PTPRR: variants seen among roughly 807,000 people sequenced by gnomAD.
PTPRR encodes the protein receptor-type tyrosine-protein phosphatase R.
In PTPRR, 38 loss-of-function variants were observed where a neutral mutation model predicts 77.2. The observed-to-expected ratio is 0.49, with a 90% CI of 0.38 to 0.65. The LOEUF (loss-of-function observed/expected upper bound fraction) is 0.65. PTPRR is among the 30% of genes least tolerant of loss of function. The probability of loss-of-function intolerance (pLI) is 0.00; values close to 1 mark genes in which losing one functional copy is unlikely to be tolerated. For synonymous variants in PTPRR, 299 were observed against 283.1 expected, an observed-to-expected ratio of 1.06 and a Z score of -0.57; for missense variants, 744 against 799.2, an observed-to-expected ratio of 0.93 and a Z score of 0.83.
At chr12:70,683,848 T>C (rs553215069) in intron 10 of PTPRR, among the ~76,000 whole-genome samples, 1 of 152,326 alleles carries the variant, frequency 6.6e-6, no homozygotes, top group Admixed American at 6.5e-5. Context: ...AAGGTTTTAT[T>C]TATCTGCTTA....
chr12:70,811,255 C>G (rs571743971), intron 2 of PTPRR, among the ~76,000 whole-genome samples: 1 of 152,220 alleles, frequency 6.6e-6, no homozygotes, highest in South Asian at 2.1e-4. Context: ...CAGGTGCCTA[C>G]AAAATATGAC....
At chr12:70,672,183 C>T (rs1223328600) in intron 10 of PTPRR, 20 of 1,548,254 alleles carry the variant, frequency 1.3e-5, no homozygotes, top group African/African-American at 2.7e-5. Context: ...GCCCAGTTGC[C>T]AGTCCTACCA....
intron 2 of PTPRR, among the ~76,000 whole-genome samples, chr12:70,881,349 G>C (rs1893146230): frequency 6.6e-6 from 1 of 152,254 alleles, no homozygotes; most frequent in South Asian, 2.1e-4. Context: ...ATTATTCTCA[G>C]TATTCTCTAA....
Position 70,672,630 on chromosome 12 carries a change from A to G in PTPRR, c.1498-10025T>C, listed in dbSNP as rs891114835. 8.6e-6 allele frequency: 13 copies of G among 1,518,610 alleles called. No homozygotes were observed. In the Admixed American group the frequency reaches 1.6e-4, roughly 18 times the overall value. 94.1% of individuals were successfully genotyped at this position (1,518,610 alleles called of 1,614,324 possible). ...CACACATCTTAAAGACCTGCTGCCA[A>G]GTGAATGGGGAAGTGGTCCAGAGCA... On this transcript the variant is annotated intron_variant, in intron 10 of 13. Coordinates refer to ENST00000283228, the MANE Select transcript of PTPRR (RefSeq NM_002849.4).
intron 6 of PTPRR, among the ~76,000 whole-genome samples, chr12:70,702,053 G>A (rs569901589): frequency 3.9e-5 from 6 of 152,178 alleles, no homozygotes; most frequent in South Asian, 2.1e-4. Context: ...ATGTATGCAC[G>A]CATATGTGAA....
chr12:70,764,582 C>T (rs963188724), intron 3 of PTPRR, 83 bp downstream of exon 3: 3 of 1,146,502 alleles, frequency 2.6e-6, no homozygotes, highest in Non-Finnish European at 3.9e-6. Context: ...ATTAGCCATA[C>T]AACTATAGCA....
At chr12:70,771,270 A>C (rs76074082) in intron 2 of PTPRR, among the ~76,000 whole-genome samples, 3,499 of 152,244 alleles carry the variant, frequency 0.023, 154 homozygotes, top group African/African-American at 0.079. Flanking sequence ...CAGCCAGACC[A>C]TTATCCCAAG....
intron 1 of PTPRR, among the ~76,000 whole-genome samples, chr12:70,894,938 A>G (rs1398179868): frequency 1.3e-5 from 2 of 151,740 alleles, no homozygotes; most frequent in Non-Finnish European, 3.0e-5. Context: ...AGTTTCCATT[A>G]CTATTTCAGG....
intron 2 of PTPRR, among the ~76,000 whole-genome samples, chr12:70,814,656 T>G: frequency 6.6e-6 from 1 of 152,122 alleles, no homozygotes; most frequent in Non-Finnish European, 1.5e-5. Flanking sequence ...TTTGTCTCTG[T>G]GTTTCACAGT....
intron 2 of PTPRR, among the ~76,000 whole-genome samples, chr12:70,890,203 T>C (rs1478420614): frequency 6.6e-6 from 1 of 152,182 alleles, no homozygotes; most frequent in Non-Finnish European, 1.5e-5. Context: ...CTCTACATTG[T>C]ACTTGCACAG....
chr12:70,732,550 A>C (rs1889697568), intron 6 of PTPRR, among the ~76,000 whole-genome samples: 1 of 151,826 alleles, frequency 6.6e-6, no homozygotes, highest in Non-Finnish European at 1.5e-5. Flanking sequence ...GGTGGTGAGC[A>C]TCCATTTTTT....
chr12:70,870,982 A>G (rs1892948690), intron 2 of PTPRR, among the ~76,000 whole-genome samples: 1 of 152,190 alleles, frequency 6.6e-6, no homozygotes, highest in South Asian at 2.1e-4. Context: ...TATAACCAAC[A>G]CTTGGGAAAT....
rs183586451 is a variant in PTPRR, at chr12:70,856,382, C to T, written c.357+36297G>A. Among the ~76,000 whole-genome samples the T allele has an allele frequency of 2.6e-5, 4 of 152,204 alleles. No individual in the cohort carries two copies. In the East Asian group the frequency reaches 7.7e-4, roughly 29 times the overall value. On this transcript the variant is annotated intron_variant, in intron 2 of 13. Transcript: ENST00000283228. Reference sequence around the variant, plus strand: ...AATGCCAGGCTGGCAGATGCAGTGGCAGATACACAAGGGCAAGTCAGAATG... The same window carrying T: ...AATGCCAGGCTGGCAGATGCAGTGGTAGATACACAAGGGCAAGTCAGAATG...
intron 1 of PTPRR, among the ~76,000 whole-genome samples, chr12:70,903,824 A>G (rs1234436472): frequency 6.6e-6 from 1 of 151,826 alleles, no homozygotes; most frequent in East Asian, 1.9e-4. Context: ...AATAATTACA[A>G]GTCACATATC....
intron 6 of PTPRR, among the ~76,000 whole-genome samples, chr12:70,733,816 C>T (rs770027581): frequency 1.3e-5 from 2 of 152,150 alleles, no homozygotes; most frequent in Non-Finnish European, 2.9e-5. Flanking sequence ...GTGTTCAAGT[C>T]GCCTGCCATG....
chr12:70,825,841 G>C (rs946093335), intron 2 of PTPRR, among the ~76,000 whole-genome samples: 17 of 152,146 alleles, frequency 1.1e-4, no homozygotes, highest in Non-Finnish European at 2.5e-4. Context: ...AAGAAGCAAT[G>C]GATATAAAAT....
chr12:70,777,729 A>C (rs1012403284), intron 2 of PTPRR, among the ~76,000 whole-genome samples: 2 of 152,130 alleles, frequency 1.3e-5, no homozygotes, highest in Non-Finnish European at 2.9e-5. Context: ...GTCCAGGGTC[A>C]CCCTAAAACT....
intron 8 of PTPRR, among the ~76,000 whole-genome samples, chr12:70,689,612 C>T (rs1048520764): frequency 6.6e-6 from 1 of 152,038 alleles, no homozygotes; most frequent in African/African-American, 2.4e-5. Context: ...CTTGGCAGAT[C>T]ACAAAATAAC....
At chr12:70,900,463 G>T (rs1018213461) in intron 1 of PTPRR, among the ~76,000 whole-genome samples, 1 of 151,346 alleles carries the variant, frequency 6.6e-6, no homozygotes, top group African/African-American at 2.4e-5. Flanking sequence ...ATTAGTCTGG[G>T]CAATGATTTT....
Sources: allele counts gnomAD v4.1 joint callset (sites outside exome capture counted in the v4.1 genomes callset), GRCh38; gene constraint gnomAD v4.1.1; transcripts MANE v1.5; gene names NCBI Gene and HGNC (gene_info 2026-07-23, HGNC 2026-07-21).